The following ATP9A variants were observed in gnomAD, a reference collection of about 807,000 sequenced individuals.
The protein encoded by ATP9A is probable phospholipid-transporting ATPase IIA.
A neutral mutation model predicts 144.1 loss-of-function variants in ATP9A; 52 were observed. The ratio of observed to expected loss-of-function variants is 0.36; its 90% confidence interval spans 0.29 to 0.45. The LOEUF (loss-of-function observed/expected upper bound fraction) is 0.45. Ranked by LOEUF, ATP9A falls within the 20% of genes least tolerant of loss-of-function variation. ATP9A has a pLI of 1.00. For missense variants in ATP9A, 947 were observed against 1,392.7 expected (o/e 0.68, Z 5.09); for synonymous variants, 582 against 557.4 (o/e 1.04, Z -0.62).
chr20:51,741,112 A>G (rs116336434), intron 1 of ATP9A, among the ~76,000 whole-genome samples: 1,425 of 141,130 alleles, frequency 0.01, 17 homozygotes, highest in African/African-American at 0.033. Context: ...TGAGTGCTCC[A>G]TAGCTACATG....
intron 9 of ATP9A, among the ~76,000 whole-genome samples, chr20:51,685,130 T>C (rs1482325252): frequency 6.6e-6 from 1 of 152,048 alleles, no homozygotes; most frequent in Non-Finnish European, 1.5e-5. Context: ...TCAATGTCTA[T>C]CACATGGGCA....
intron 14 of ATP9A, among the ~76,000 whole-genome samples, chr20:51,652,141 G>A (rs1393359440): frequency 1.3e-5 from 2 of 152,122 alleles, no homozygotes; most frequent in East Asian, 1.9e-4. Context: ...TGGAAATGGT[G>A]GGATGCTGTC....
At chr20:51,677,554 C>G (rs2077482657) in intron 9 of ATP9A, among the ~76,000 whole-genome samples, 1 of 152,190 alleles carries the variant, frequency 6.6e-6, no homozygotes, top group African/African-American at 2.4e-5. Context: ...TGCCTCTGGT[C>G]ATACAGGCTT....
intron 6 of ATP9A, among the ~76,000 whole-genome samples, chr20:51,695,823 G>A (rs2077568403): frequency 1.3e-5 from 2 of 152,330 alleles, no homozygotes; most frequent in Non-Finnish European, 2.9e-5. Context: ...ACAGCCGGGA[G>A]AGGAAATCCA....
At chr20:51,711,916 C>T (rs915289590) in intron 4 of ATP9A, among the ~76,000 whole-genome samples, 4 of 138,710 alleles carry the variant, frequency 2.9e-5, no homozygotes, top group South Asian at 2.2e-4. Context: ...AGTGCAATGG[C>T]GTGATCTTGG....
At chr20:51,759,769 A>G (rs548259974) in intron 1 of ATP9A, among the ~76,000 whole-genome samples, 1 of 152,282 alleles carries the variant, frequency 6.6e-6, no homozygotes, top group East Asian at 1.9e-4. Context: ...CACTTTGTCA[A>G]AGGAAGGACA....
chr20:51,752,180 A>G (rs1198750083), intron 1 of ATP9A, among the ~76,000 whole-genome samples: 1 of 152,230 alleles, frequency 6.6e-6, no homozygotes, highest in Non-Finnish European at 1.5e-5. Flanking sequence ...AAGAGACAGC[A>G]GCTTACGAGC....
chr20:51,688,455 G>A (rs2077532972), intron 9 of ATP9A, among the ~76,000 whole-genome samples: 1 of 152,052 alleles, frequency 6.6e-6, no homozygotes, highest in East Asian at 1.9e-4. Flanking sequence ...TAGCCAGCGT[G>A]GTGGTGCGGG....
intron 4 of ATP9A, among the ~76,000 whole-genome samples, chr20:51,709,440 G>A (rs551613361): frequency 7.2e-5 from 11 of 152,244 alleles, no homozygotes; most frequent in East Asian, 5.8e-4. Flanking sequence ...GCTTCAACCC[G>A]GGAGGCAGAG....
At chr20:51,624,391 T>C (rs979246097) in intron 18 of ATP9A, among the ~76,000 whole-genome samples, 4 of 152,126 alleles carry the variant, frequency 2.6e-5, no homozygotes, top group African/African-American at 9.7e-5. Flanking sequence ...CACACCTCCC[T>C]TGGTCCACTG....
chr20:51,712,666 G>A (rs932892325), intron 4 of ATP9A, among the ~76,000 whole-genome samples: 4 of 152,236 alleles, frequency 2.6e-5, no homozygotes, highest in Admixed American at 6.5e-5. Context: ...GCGGCAGAAC[G>A]GGAAAGGGAT....
chr20:51,759,506 C>G (rs1255440627), intron 1 of ATP9A, among the ~76,000 whole-genome samples: 3 of 152,130 alleles, frequency 2.0e-5, no homozygotes, highest in Non-Finnish European at 4.4e-5. Context: ...AACTCTGTCT[C>G]TACTAAAACC....
chr20:51,627,505 TC>T, intron 17 of ATP9A, 94 bp downstream of exon 17: 1 of 1,148,234 alleles, frequency 8.7e-7, no homozygotes. Flanking sequence ...AGAAATGACA[TC>T]AGAATGGCTC....
chr20:51,652,137 T>C (rs2077369114), intron 14 of ATP9A, among the ~76,000 whole-genome samples: 2 of 152,156 alleles, frequency 1.3e-5, no homozygotes, highest in East Asian at 1.9e-4. Context: ...ATCCTGGAAA[T>C]GGTGGGATGC....
intron 13 of ATP9A, among the ~76,000 whole-genome samples, chr20:51,664,060 G>A (rs1344617423): frequency 6.6e-6 from 1 of 152,046 alleles, no homozygotes; most frequent in Non-Finnish European, 1.5e-5. Flanking sequence ...CTGTCATCCA[G>A]GCTGGGTGCA....
chr20:51,705,620 T>C (rs13045185), intron 4 of ATP9A, among the ~76,000 whole-genome samples: 8,500 of 152,296 alleles, frequency 0.056, 428 homozygotes, highest in African/African-American at 0.13. Context: ...TTGCTTCATT[T>C]AGTCCTTGAT....
At chr20:51,751,753 A>G (rs1443987684) in intron 1 of ATP9A, among the ~76,000 whole-genome samples, 1 of 151,972 alleles carries the variant, frequency 6.6e-6, no homozygotes, top group South Asian at 2.1e-4. Context: ...ACGCCCGGCT[A>G]ATTTTTTTGT....
chr20:51,677,281 C>T (rs955721565), intron 9 of ATP9A, among the ~76,000 whole-genome samples: 3 of 152,140 alleles, frequency 2.0e-5, no homozygotes, highest in Admixed American at 6.6e-5. Flanking sequence ...TAGGGCCAAA[C>T]CAATGATCTG....
chr20:51,684,884 G>A lies in ATP9A; in HGVS notation c.799+4180C>T, dbSNP rs369830576. ...AAATTAGCCTGGCGTAGTGGCAGGC[G>A]CCTGTAGTCCCGGCTACTAGGGAGG... On this transcript the variant is annotated intron_variant, in intron 9 of 27. Transcript: ENST00000338821. 1.5e-3 allele frequency among the ~76,000 whole-genome samples: 213 copies of A among 139,068 alleles called. 2 individuals carry two copies. In the South Asian group the frequency reaches 0.029, roughly 19 times the overall value. 91.2% of individuals were successfully genotyped at this position (139,068 alleles called of 152,430 possible).
Sources: allele counts gnomAD v4.1 joint callset (sites outside exome capture counted in the v4.1 genomes callset), GRCh38; gene constraint gnomAD v4.1.1; transcripts MANE v1.5; gene names NCBI Gene and HGNC (gene_info 2026-07-23, HGNC 2026-07-21).